PPP2R2D: variants seen among roughly 807,000 people sequenced by gnomAD.
The protein encoded by PPP2R2D is serine/threonine-protein phosphatase 2A 55 kDa regulatory subunit B delta isoform.
A neutral mutation model predicts 31.1 loss-of-function variants in PPP2R2D; 9 were observed. That is an observed-to-expected ratio of 0.29 (90% confidence interval 0.17 to 0.51). The LOEUF (loss-of-function observed/expected upper bound fraction) is 0.51. Ranked by LOEUF, PPP2R2D falls within the 20% of genes least tolerant of loss-of-function variation. The pLI, the probability that PPP2R2D is intolerant of heterozygous loss-of-function variation, is 0.98. For missense variants in PPP2R2D, 391 were observed against 465.6 expected (o/e 0.84, Z 1.48); for synonymous variants, 179 against 172.6 (o/e 1.04, Z -0.29).
chr10:131,939,979 T>C, intron 3 of PPP2R2D, 52 bp from the exon 4 acceptor site: 2 of 512,690 alleles, frequency 3.9e-6, no homozygotes, highest in Non-Finnish European at 7.2e-6. Flanking sequence ...GTACTGAAAT[T>C]TTCTCTACAC....
intron 2 of PPP2R2D, among the ~76,000 whole-genome samples, chr10:131,910,114 A>G (rs974511687): frequency 3.9e-5 from 6 of 152,242 alleles, no homozygotes; most frequent in Non-Finnish European, 7.3e-5. Context: ...GCGATGCACC[A>G]TAACTCGCCA....
At chr10:131,970,291 G>A in the PPP2R2D span, 3 of 277,864 alleles carry the variant, frequency 1.1e-5, no homozygotes, top group Non-Finnish European at 2.0e-5. The surrounding 1 kb of genome is among the most constrained non-coding windows in gnomAD (Gnocchi z 4.1). Flanking sequence ...GCAGAGCTGG[G>A]TGCATTCCCG....
intron 8 of PPP2R2D, 102 bp from the exon 9 acceptor site, chr10:131,955,582 G>T (rs782020350): frequency 2.0e-5 from 21 of 1,029,544 alleles, no homozygotes; most frequent in Non-Finnish European, 2.1e-5. Flanking sequence ...ACTGGGTTGT[G>T]GGGGAGGGTG....
At chr10:131,910,105 C>T (rs912063070) in intron 2 of PPP2R2D, among the ~76,000 whole-genome samples, 1 of 152,194 alleles carries the variant, frequency 6.6e-6, no homozygotes, top group Non-Finnish European at 1.5e-5. Context: ...AGGCTCTTAG[C>T]GATGCACCAT....
chr10:131,917,362 C>T lies in PPP2R2D; in HGVS notation c.100+16032C>T, dbSNP rs2035825305. Among the ~76,000 whole-genome samples, 3 of 135,864 alleles carry T rather than the reference C, an allele frequency of 2.2e-5. No homozygotes were observed. The South Asian group carries it at 7.9e-4, about 36-fold the overall frequency. The allele number at this position is 135,864 out of a possible 152,430, so 89.1% of individuals were successfully genotyped here. A position where few individuals can be genotyped will look rare whatever the true frequency, so the allele number is the denominator to read the frequency against. On this transcript the variant is annotated intron_variant, in intron 2 of 8. Transcript: ENST00000455566. ...GTGGGATGACACAGTGTAGGGACCT[C>T]ACGCAGGTGGAATGACACAGTGTAG...
intron 8 of PPP2R2D, among the ~76,000 whole-genome samples, chr10:131,952,698 ACTGT>A (rs112047847): frequency 0.012 from 647 of 54,050 alleles, 134 homozygotes; most frequent in East Asian, 0.044. Flanking sequence ...GTGGGGGTTC[ACTGT>A]CTTAGTGACT....
Position 131,947,895 on chromosome 10 carries a change from C to G in PPP2R2D, c.1082+104C>G. ...TGTCCTCCAGCGTCAGAGGAGGACG[C>G]TCATAGGGTGTTGTTTTCCAGACCT... is the stretch of plus-strand genomic sequence containing the variant. On this transcript the variant is annotated intron_variant, in intron 8 of 8. Coordinates refer to ENST00000455566, the MANE Select transcript of PPP2R2D (RefSeq NM_018461.5). The surrounding 1 kb of genome is among the most constrained non-coding windows in gnomAD (Gnocchi z 4.3). 7.1e-7 allele frequency: 1 copy of G among 1,412,608 alleles called. No individual in the cohort carries two copies. Among genetic ancestry groups the G allele is most frequent in the South Asian group, 1.3e-5 (1 of 74,752 alleles). 87.5% of individuals were successfully genotyped at this position (1,412,608 alleles called of 1,614,324 possible).
chr10:131,930,086 T>C (rs2036191638), intron 2 of PPP2R2D, among the ~76,000 whole-genome samples: 1 of 152,256 alleles, frequency 6.6e-6, no homozygotes, highest in African/African-American at 2.4e-5. Context: ...CAAGTTTTTG[T>C]TACATAGTAT....
rs1481516306 is a variant in PPP2R2D, at chr10:131,947,315, C to G, written c.821-215C>G. Among the ~76,000 whole-genome samples, 1 of 152,154 alleles carries G rather than the reference C, an allele frequency of 6.6e-6. No homozygotes were observed. Among genetic ancestry groups the G allele is most frequent in the Non-Finnish European group, 1.5e-5 (1 of 68,034 alleles). The stretch of plus-strand genomic sequence containing the variant: ...TACGCTTCTCATGCCCATCCCTTGT[C>G]CATAGCTGGTGCTAGAATGTCTTAT... On this transcript the variant is annotated intron_variant, in intron 7 of 8. Coordinates refer to ENST00000455566, the MANE Select transcript of PPP2R2D (RefSeq NM_018461.5). This position sits in a 1 kb window ranked among gnomAD's most constrained non-coding sequence, Gnocchi z 4.3.
intron 2 of PPP2R2D, chr10:131,911,830 A>T (rs1425658724): frequency 6.6e-6 from 1 of 152,236 alleles, no homozygotes. Context: ...GACAGGGCAG[A>T]CTTCAGGATT....
chr10:131,905,779 C>T (rs985062902), intron 2 of PPP2R2D, among the ~76,000 whole-genome samples: 1 of 152,232 alleles, frequency 6.6e-6, no homozygotes, highest in African/African-American at 2.4e-5. Context: ...GCCGCAGAGC[C>T]GTGGAGCGCT....
chr10:131,905,605 T>G (rs1172634982), intron 2 of PPP2R2D, among the ~76,000 whole-genome samples: 4 of 152,308 alleles, frequency 2.6e-5, no homozygotes, highest in African/African-American at 7.2e-5. Context: ...TGCTAGAGAT[T>G]GCTCGCAGTG....
intron 2 of PPP2R2D, among the ~76,000 whole-genome samples, chr10:131,932,705 A>T (rs537023462): frequency 4.0e-5 from 6 of 149,286 alleles, no homozygotes; most frequent in African/African-American, 1.2e-4. Flanking sequence ...CTTTAGTACC[A>T]TATTTATGCC....
intron 8 of PPP2R2D, among the ~76,000 whole-genome samples, chr10:131,948,352 A>C (rs1480675662): frequency 6.6e-6 from 1 of 150,764 alleles, no homozygotes; most frequent in Non-Finnish European, 1.5e-5. Context: ...CGTTTTTTTT[A>C]TTATGCAAAA....
chr10:131,955,646 C>A, intron 8 of PPP2R2D, 38 bp from the exon 9 acceptor site: 1 of 1,367,472 alleles, frequency 7.3e-7, no homozygotes, highest in South Asian at 2.3e-5. Flanking sequence ...CCGCTCCCCC[C>A]ACTGAGGAGT....
chr10:131,933,152 G>GA (rs1443724525), intron 2 of PPP2R2D, among the ~76,000 whole-genome samples: 2 of 152,290 alleles, frequency 1.3e-5, no homozygotes, highest in African/African-American at 4.8e-5. Context: ...ATTTTGAAAA[G>GA]AAAGAACTCC....
chr10:131,968,651 G>A, the PPP2R2D span: 16 of 1,297,584 alleles, frequency 1.2e-5, no homozygotes, highest in African/African-American at 2.0e-4. Context: ...GTAGCTCACT[G>A]TGGTTAGAGC....
intron 2 of PPP2R2D, among the ~76,000 whole-genome samples, chr10:131,903,674 GCTGT>G (rs2035537723): frequency 6.6e-6 from 1 of 152,154 alleles, no homozygotes; most frequent in Non-Finnish European, 1.5e-5. Context: ...TGTATTCAGA[GCTGT>G]CTATTTTAAT....
chr10:131,916,764 G>C (rs1207037300), intron 2 of PPP2R2D, among the ~76,000 whole-genome samples: 1 of 149,766 alleles, frequency 6.7e-6, no homozygotes, highest in Non-Finnish European at 1.5e-5. Context: ...CGGGTGGAAT[G>C]ACACAGTGTA....
Sources: allele counts gnomAD v4.1 joint callset (sites outside exome capture counted in the v4.1 genomes callset), GRCh38; gene constraint gnomAD v4.1.1; non-coding constraint Gnocchi (gnomAD v3.1); transcripts MANE v1.5; gene names NCBI Gene and HGNC (gene_info 2026-07-23, HGNC 2026-07-21).